Variants in TRAK1 observed in about 807,000 individuals in gnomAD.
The protein encoded by TRAK1 is trafficking kinesin-binding protein 1.
In TRAK1, 33 loss-of-function variants were observed where a neutral mutation model predicts 92.1. The observed-to-expected ratio is 0.36, with a 90% CI of 0.27 to 0.48. The LOEUF (loss-of-function observed/expected upper bound fraction) is 0.48. Ranked by LOEUF, TRAK1 falls within the 20% of genes least tolerant of loss-of-function variation. The pLI is 0.99. For missense variants in TRAK1, 1,123 were observed against 1,257.9 expected, an observed-to-expected ratio of 0.89 and a Z score of 1.62; for synonymous variants, 521 against 517.3, an observed-to-expected ratio of 1.01 and a Z score of -0.10.
chr3:42,094,975 C>G (rs1705688664), intron 1 of TRAK1, among the ~76,000 whole-genome samples: 1 of 152,212 alleles, frequency 6.6e-6, no homozygotes, highest in South Asian at 2.1e-4. Flanking sequence ...CCCCAGCTGA[C>G]TGGATGAGGT....
intron 1 of TRAK1, among the ~76,000 whole-genome samples, chr3:42,093,669 C>CCCTTCCCTCCCCTT (rs1559755696): frequency 9.6e-5 from 1 of 10,454 alleles, no homozygotes; most frequent in Non-Finnish European, 1.6e-4. Flanking sequence ...TCCCTTCCCT[C>CCCTTCCCTCCCCTT]CCCTCCCCTC....
chr3:42,076,777 T>TTCTTTAGTCCA (rs1704180957), intron 1 of TRAK1, among the ~76,000 whole-genome samples: 2 of 152,344 alleles, frequency 1.3e-5, no homozygotes, highest in South Asian at 4.1e-4. Flanking sequence ...TTACATTTTA[T>TTCTTTAGTCCA]TCTTTAGTCC....
intron 2 of TRAK1, among the ~76,000 whole-genome samples, chr3:42,169,876 G>GTGGGC (rs1702334642): frequency 6.6e-6 from 1 of 152,238 alleles, no homozygotes; most frequent in Non-Finnish European, 1.5e-5. Flanking sequence ...GTGGGCAGAA[G>GTGGGC]AGCTGACACT....
chr3:42,205,487 T>C (rs948011312), intron 13 of TRAK1, among the ~76,000 whole-genome samples: 1 of 152,252 alleles, frequency 6.6e-6, no homozygotes, highest in Non-Finnish European at 1.5e-5. Context: ...GCTAGCACTT[T>C]CTTGTCTCTT....
At chr3:42,087,928 C>G (rs1156828025), upstream of TRAK1, among the ~76,000 whole-genome samples, 1 of 152,196 alleles carries the variant, frequency 6.6e-6, no homozygotes, top group Admixed American at 6.5e-5. Flanking sequence ...TGGTAATCAC[C>G]TAACATCTGT....
chr3:42,037,535 A>G (rs1162696766), intron 1 of TRAK1, among the ~76,000 whole-genome samples: 1 of 152,254 alleles, frequency 6.6e-6, no homozygotes, highest in Non-Finnish European at 1.5e-5. Flanking sequence ...GTCTGGTACT[A>G]TAGACAGACA....
chr3:42,149,594 C>T, intron 2 of TRAK1: 5 of 1,535,940 alleles, frequency 3.3e-6, no homozygotes, highest in Admixed American at 2.0e-5. Flanking sequence ...GAAGAATGCT[C>T]GGATGGTAAT....
chr3:42,205,587 G>T (rs544275379), intron 13 of TRAK1, among the ~76,000 whole-genome samples: 79 of 152,346 alleles, frequency 5.2e-4, no homozygotes, highest in African/African-American at 1.7e-3. Context: ...AAGGCGGGCA[G>T]TATTTTTTTC....
At position 42,202,651 on chromosome 3, in the gene TRAK1, G is replaced by T. The variant is rs755138932; in HGVS notation, c.1643G>T (p.Gly548Val). The stretch of plus-strand genomic sequence containing the variant: ...CCCACTGAGAGCATCATGTCCCTGG[G>T]CACGCACTCCCGCTTCTCCGAGTTC... The part of the protein sequence containing the change: ...LTPTESIMSL[G>V]THSRFSEFTG... Residue 548 changes from glycine (G) to valine (V), a missense_variant, in exon 13 of 16, where the codon GGC (glycine) becomes GTC (valine). By Grantham distance (109) the Gly-to-Val change is moderately radical. Coordinates refer to ENST00000327628, the MANE Select transcript of TRAK1 (RefSeq NM_001042646.3). This position sits in a 1 kb window ranked among gnomAD's most constrained non-coding sequence, Gnocchi z 6.1. 1.2e-6 allele frequency: 2 copies of T among 1,612,822 alleles called. No homozygotes were observed. The highest frequency in any genetic ancestry group is 3.3e-5 in the Admixed American group (2 of 59,988).
chr3:42,067,176 C>A (rs1311345478), intron 1 of TRAK1, among the ~76,000 whole-genome samples: 1 of 152,156 alleles, frequency 6.6e-6, no homozygotes, highest in Non-Finnish European at 1.5e-5. Flanking sequence ...CCAAGCAAAA[C>A]CCCCTTGCCT....
chr3:42,154,275 C>T (rs1023217129), intron 2 of TRAK1, among the ~76,000 whole-genome samples: 6 of 151,196 alleles, frequency 4.0e-5, no homozygotes, highest in African/African-American at 1.2e-4. Flanking sequence ...CAAGTTCAAG[C>T]GATTCTCCTG....
rs368146510 is a variant in TRAK1, at chr3:42,052,615, CTT to C, written c.-518-34488_-518-34487del. Among the ~76,000 whole-genome samples the C allele has an allele frequency of 1.4e-4, 21 of 152,276 alleles. No individual in the cohort carries two copies. In the East Asian group the frequency reaches 3.3e-3, roughly 24 times the overall value. ...ATTCAGTCTTGAAGGAAAAAAATAA[CTT>C]GGGCTACTCTGCGTCATGTGAAGAA... On this transcript the variant is annotated intron_variant, in intron 1 of 16. Transcript: ENST00000487159.
rs569291966 is a variant in TRAK1 at position 42,153,592 on chromosome 3, G to A, written c.287-23222G>A. On this transcript the variant is annotated intron_variant, in intron 2 of 15. Transcript: ENST00000327628. The stretch of plus-strand genomic sequence containing the variant: ...ACTGATTTCACAAATGAAGAAACTC[G>A]GGTAGATTGTCGCAGAAGTTATTCT... Among the ~76,000 whole-genome samples, 7 of 152,184 alleles carry A rather than the reference G, an allele frequency of 4.6e-5. No homozygotes were observed. In the East Asian group the frequency reaches 9.7e-4, roughly 21 times the overall value.
chr3:42,211,823 G>A, intron 14 of TRAK1: 1 of 985,418 alleles, frequency 1.0e-6, no homozygotes, highest in Non-Finnish European at 1.2e-6. Flanking sequence ...ACTCAAACCT[G>A]TGGCAAATTC....
intron 1 of TRAK1, among the ~76,000 whole-genome samples, chr3:42,036,188 T>A (rs1203146511): frequency 6.6e-6 from 1 of 152,212 alleles, no homozygotes; most frequent in Non-Finnish European, 1.5e-5. Flanking sequence ...GCAGTTCTTG[T>A]CTGTGTGTTA....
At chr3:42,053,510 T>G (rs557606325) in intron 1 of TRAK1, among the ~76,000 whole-genome samples, 11 of 151,772 alleles carry the variant, frequency 7.2e-5, no homozygotes, top group Admixed American at 3.9e-4. Flanking sequence ...CCCCATTCTG[T>G]GGTATGGGCT....
chr3:42,147,937 G>C (rs1699519280), intron 2 of TRAK1, among the ~76,000 whole-genome samples: 1 of 152,102 alleles, frequency 6.6e-6, no homozygotes, highest in African/African-American at 2.4e-5. Context: ...TTCCATCTAA[G>C]ATTCTCTATA....
chr3:42,143,008 G>C (rs1698866583), intron 2 of TRAK1, among the ~76,000 whole-genome samples: 1 of 152,132 alleles, frequency 6.6e-6, no homozygotes, highest in African/African-American at 2.4e-5. Context: ...CCTGCCCGAA[G>C]ACTTGGAATC....
upstream of TRAK1, among the ~76,000 whole-genome samples, chr3:42,084,334 G>A (rs1277470174): frequency 1.3e-5 from 2 of 152,214 alleles, no homozygotes; most frequent in East Asian, 1.9e-4. Context: ...GCTTGGTGGT[G>A]TGCACCTGTA....
Sources: allele counts gnomAD v4.1 joint callset (sites outside exome capture counted in the v4.1 genomes callset), GRCh38; gene constraint gnomAD v4.1.1; non-coding constraint Gnocchi (gnomAD v3.1); transcripts MANE v1.5; gene names NCBI Gene and HGNC (gene_info 2026-07-23, HGNC 2026-07-21).